The following GREM1 variants were observed in gnomAD, a reference collection of about 807,000 sequenced individuals.
GREM1 encodes the protein gremlin 1, DAN family BMP antagonist.
In GREM1, 6 loss-of-function variants were observed where a neutral mutation model predicts 13.1. The ratio of observed to expected loss-of-function variants is 0.46; its 90% CI spans 0.25 to 0.91. GREM1 has a LOEUF of 0.91. GREM1 is among the 40% of genes least tolerant of loss of function. The probability of loss-of-function intolerance (pLI) is 0.18; values close to 1 mark genes in which losing one functional copy is unlikely to be tolerated. For missense variants in GREM1, 185 were observed against 233.9 expected, an observed-to-expected ratio of 0.79 and a Z score of 1.36; for synonymous variants, 98 against 93.7, an observed-to-expected ratio of 1.05 and a Z score of -0.27.
chr15:32,725,908 G>C (rs1187128610), intron 1 of GREM1, among the ~76,000 whole-genome samples: 3 of 152,132 alleles, frequency 2.0e-5, no homozygotes, highest in Admixed American at 1.3e-4. Context: ...TTTCCCCATT[G>C]CTTGTTTTTG....
intron 1 of GREM1, among the ~76,000 whole-genome samples, chr15:32,722,851 A>G (rs1282578951): frequency 6.6e-6 from 1 of 152,226 alleles, no homozygotes. Flanking sequence ...CATGATGAGA[A>G]TAACATCACA....
Position 32,743,962 on chromosome 15 carries a change from C to G in GREM1, c.*12717C>G, listed in dbSNP as rs970350883. On this transcript the variant is annotated 3_prime_UTR_variant, in exon 2 of 2. Coordinates refer to ENST00000651154, the MANE Select transcript of GREM1 (RefSeq NM_013372.7). ...TAGTAACTGGCTTCCTCTAGAGTGA[C>G]TAATCCAAGAGACAGCAAGGATTGA... 6.6e-6 allele frequency: 1 copy of G among 152,276 alleles called. No homozygotes were observed. Among genetic ancestry groups the G allele is most frequent in the East Asian group, 1.9e-4 (1 of 5,162 alleles). The allele number at this position is 152,276 out of a possible 1,614,324, so 9.4% of individuals were successfully genotyped here. A position where few individuals can be genotyped will look rare whatever the true frequency, so the allele number is the denominator to read the frequency against.
chr15:32,729,184 C>T (rs930006753), intron 1 of GREM1, among the ~76,000 whole-genome samples: 5 of 113,890 alleles, frequency 4.4e-5, no homozygotes, highest in South Asian at 3.0e-4. Flanking sequence ...CCACTACGCC[C>T]GGCTAATTTT....
chr15:32,720,595 C>T (rs747179668), intron 1 of GREM1, among the ~76,000 whole-genome samples: 6 of 152,072 alleles, frequency 3.9e-5, no homozygotes, highest in African/African-American at 9.7e-5. Flanking sequence ...GCTACCAGCC[C>T]GTGTCTTCGA....
rs1232658682 is a variant in GREM1 at position 32,739,460 on chromosome 15, C to T, written c.*8215C>T. ...CTGAATTAAGGCAGCAGCCCTAAAC[C>T]TTTTTCTATAATCCTGATAGTGATT... On this transcript the variant is annotated 3_prime_UTR_variant, in exon 2 of 2. Transcript: ENST00000651154. 6.6e-6 allele frequency: 1 copy of T among 152,140 alleles called. No homozygotes were observed. Among genetic ancestry groups the T allele is most frequent in the African/African-American group, 2.4e-5 (1 of 41,422 alleles). The allele number at this position is 152,140 out of a possible 1,614,324, so 9.4% of individuals were successfully genotyped here.
intron 1 of GREM1, among the ~76,000 whole-genome samples, chr15:32,722,401 G>A (rs897421852): frequency 6.6e-6 from 1 of 152,208 alleles, no homozygotes; most frequent in Non-Finnish European, 1.5e-5. Context: ...GGCTTTCACT[G>A]TAATTCCTAC....
intron 1 of GREM1, among the ~76,000 whole-genome samples, chr15:32,723,358 A>G (rs2055443396): frequency 6.6e-6 from 1 of 152,158 alleles, no homozygotes; most frequent in Admixed American, 6.5e-5. Flanking sequence ...CCCTGGTTCC[A>G]CTATGAATTA....
rs1347853763 is a variant in GREM1, at chr15:32,742,071, T to C, written c.*10826T>C. On this transcript the variant is annotated 3_prime_UTR_variant, in exon 2 of 2. Coordinates refer to ENST00000651154, the MANE Select transcript of GREM1 (RefSeq NM_013372.7). ...TTTTAATATAATGTTAAATTTGGTT[T>C]GCCAGTATTTTGTTGAGGATTTTTG... 6.6e-6 allele frequency: 1 copy of C among 152,190 alleles called. No homozygotes were observed. Among genetic ancestry groups the C allele is most frequent in the Non-Finnish European group, 1.5e-5 (1 of 68,016 alleles). 9.4% of individuals were successfully genotyped at this position (152,190 alleles called of 1,614,324 possible).
rs1169548228 is a variant in GREM1, at chr15:32,741,617, A to G, written c.*10372A>G. 3 of 152,104 alleles carry G rather than the reference A, an allele frequency of 2.0e-5. No homozygotes were observed. The highest frequency in any genetic ancestry group is 2.9e-5 in the Non-Finnish European group (2 of 67,990). 9.4% of individuals were successfully genotyped at this position (152,104 alleles called of 1,614,324 possible). On this transcript the variant is annotated 3_prime_UTR_variant, in exon 2 of 2. Transcript: ENST00000651154. ...ATGTATAAGATTATGTCATCTGCAA[A>G]CAGCAACAATTTTACCCTTTGTTTT... is the stretch of plus-strand genomic sequence containing the variant.
intron 1 of GREM1, among the ~76,000 whole-genome samples, chr15:32,729,637 C>G (rs1416646352): frequency 6.6e-6 from 1 of 152,174 alleles, no homozygotes; most frequent in African/African-American, 2.4e-5. Flanking sequence ...GTTCACATAT[C>G]ACTGCCCTTT....
chr15:32,732,528 C>G lies in GREM1; in HGVS notation c.*1283C>G, dbSNP rs1338090319. 4 of 245,932 alleles carry G rather than the reference C, an allele frequency of 1.6e-5. No homozygotes were observed. Among genetic ancestry groups the G allele is most frequent in the Non-Finnish European group, 2.6e-5 (3 of 116,768 alleles). 15.2% of individuals were successfully genotyped at this position (245,932 alleles called of 1,614,324 possible). ...AGTAAGGAAATAAAGGGAATTGCCT[C>G]TGGCTAGAGAGTAGTTAGGTGTTAA... On this transcript the variant is annotated 3_prime_UTR_variant, in exon 2 of 2. Transcript: ENST00000651154.
At chr15:32,720,919 G>T (rs2055395358) in intron 1 of GREM1, among the ~76,000 whole-genome samples, 1 of 152,120 alleles carries the variant, frequency 6.6e-6, no homozygotes, top group Non-Finnish European at 1.5e-5. Flanking sequence ...CACTTTGGGA[G>T]GCCAAGGAGG....
At position 32,735,665 on chromosome 15, in the gene GREM1, A is replaced by G. The variant is rs2055687851; in HGVS notation, c.*4420A>G. 6.6e-6 allele frequency: 1 copy of G among 152,064 alleles called. No individual in the cohort carries two copies. 9.4% of individuals were successfully genotyped at this position (152,064 alleles called of 1,614,324 possible). ...CTTGGACTTGGAGGGGGAGAATGGA[A>G]GCAAGTACCAAGGAGAAAGTGTTCT... On this transcript the variant is annotated 3_prime_UTR_variant, in exon 2 of 2. Transcript: ENST00000651154.
intron 1 of GREM1, among the ~76,000 whole-genome samples, chr15:32,729,911 C>T (rs1188319236): frequency 6.6e-6 from 1 of 152,114 alleles, no homozygotes; most frequent in Non-Finnish European, 1.5e-5. Context: ...GAGGTGAAGC[C>T]TCATGAGTCA....
At chr15:32,727,690 GA>G (rs1288570711) in intron 1 of GREM1, among the ~76,000 whole-genome samples, 1 of 152,138 alleles carries the variant, frequency 6.6e-6, no homozygotes, top group East Asian at 1.9e-4. Flanking sequence ...AGGAAGAGAG[GA>G]AGTCAAATTG....
chr15:32,740,621 C>T lies in GREM1; in HGVS notation c.*9376C>T, dbSNP rs1275578646. On this transcript the variant is annotated 3_prime_UTR_variant, in exon 2 of 2. Coordinates refer to ENST00000651154, the MANE Select transcript of GREM1 (RefSeq NM_013372.7). ...GGGCAACATCAAGCTGAACAATATA[C>T]TCATTATTGGCATCACAGAATAAAA... 1.3e-5 allele frequency: 2 copies of T among 152,008 alleles called. No homozygotes were observed. The highest frequency in any genetic ancestry group is 2.9e-5 in the Non-Finnish European group (2 of 68,012). The allele number at this position is 152,008 out of a possible 1,614,324, so 9.4% of individuals were successfully genotyped here.
intron 1 of GREM1, among the ~76,000 whole-genome samples, chr15:32,726,069 G>A (rs908005196): frequency 4.6e-5 from 7 of 152,214 alleles, no homozygotes; most frequent in Admixed American, 1.3e-4. Context: ...GTCAGGTAGC[G>A]TGATGCTTTG....
intron 1 of GREM1, 75 bp downstream of exon 1, chr15:32,718,236 C>G: frequency 8.7e-7 from 1 of 1,152,240 alleles, no homozygotes; most frequent in Non-Finnish European, 1.2e-6. Flanking sequence ...AGGACCCGCT[C>G]AGTTCCACGC....
At chr15:32,721,893 G>C (rs2055415592) in intron 1 of GREM1, among the ~76,000 whole-genome samples, 1 of 152,196 alleles carries the variant, frequency 6.6e-6, no homozygotes, top group Non-Finnish European at 1.5e-5. Context: ...TTGACCTCAA[G>C]AATTGTACAT....
Sources: allele counts gnomAD v4.1 joint callset (sites outside exome capture counted in the v4.1 genomes callset), GRCh38; gene constraint gnomAD v4.1.1; transcripts MANE v1.5; gene names NCBI Gene and HGNC (gene_info 2026-07-23, HGNC 2026-07-21).